SLC8A1: variants seen among roughly 807,000 people sequenced by gnomAD.
SLC8A1 encodes sodium/calcium exchanger 1.
In SLC8A1, 18 loss-of-function variants were observed where a neutral mutation model predicts 68.3. The ratio of observed to expected loss-of-function variants is 0.26; its 90% CI spans 0.18 to 0.39. The LOEUF is 0.39. Ranked by LOEUF, SLC8A1 falls within the 10% of genes least tolerant of loss-of-function variation. The pLI is 1.00. For missense variants in SLC8A1, 985 were observed against 1,156.7 expected (o/e 0.85, Z 2.15); for synonymous variants, 475 against 415.5 (o/e 1.14, Z -1.74).
intron 2 of SLC8A1, among the ~76,000 whole-genome samples, chr2:40,352,497 T>G (rs1444656632): frequency 5.3e-5 from 8 of 152,190 alleles, no homozygotes; most frequent in Non-Finnish European, 1.0e-4. Flanking sequence ...AAGAAGCCTG[T>G]GAGTCATCAA....
intron 1 of SLC8A1, among the ~76,000 whole-genome samples, chr2:40,511,383 T>C (rs1462258766): frequency 6.6e-6 from 1 of 152,220 alleles, no homozygotes; most frequent in Non-Finnish European, 1.5e-5. Context: ...TCACAGACTT[T>C]GCTAACAATT....
chr2:40,306,083 C>T (rs1242010196), intron 2 of SLC8A1, among the ~76,000 whole-genome samples: 1 of 152,086 alleles, frequency 6.6e-6, no homozygotes, highest in African/African-American at 2.4e-5. Flanking sequence ...GATGCTCATG[C>T]TCTTATACAG....
At chr2:40,452,876 C>G (rs571986674), upstream of SLC8A1, among the ~76,000 whole-genome samples, 1 of 151,954 alleles carries the variant, frequency 6.6e-6, no homozygotes, top group Non-Finnish European at 1.5e-5. Flanking sequence ...GTGTGAAAGG[C>G]GTGCTGGTTT....
chr2:40,165,852 C>G (rs1286750625), intron 4 of SLC8A1, among the ~76,000 whole-genome samples: 1 of 152,166 alleles, frequency 6.6e-6, no homozygotes, highest in Non-Finnish European at 1.5e-5. Context: ...AAATCCCAGA[C>G]TGAAAAGGCC....
chr2:40,451,062 G>A (rs1166393194), intron 1 of SLC8A1, among the ~76,000 whole-genome samples: 4 of 152,340 alleles, frequency 2.6e-5, no homozygotes, highest in East Asian at 3.9e-4. Context: ...CATCGCCTGG[G>A]CGGATTTGGT....
At chr2:40,292,975 C>CT (rs1308073133) in intron 2 of SLC8A1, among the ~76,000 whole-genome samples, 1 of 152,100 alleles carries the variant, frequency 6.6e-6, no homozygotes, top group Non-Finnish European at 1.5e-5. Context: ...ACCTGTGTGC[C>CT]TTTCCATCTT....
chr2:40,193,917 TAAAGA>T (rs958350017), intron 2 of SLC8A1, among the ~76,000 whole-genome samples: 5 of 152,098 alleles, frequency 3.3e-5, no homozygotes, highest in African/African-American at 7.2e-5. Flanking sequence ...GCTGAATAAA[TAAAGA>T]AAAGTTGCTT....
At chr2:40,138,218 T>C (rs1232076511) in intron 7 of SLC8A1, among the ~76,000 whole-genome samples, 1 of 152,178 alleles carries the variant, frequency 6.6e-6, no homozygotes, top group Admixed American at 6.5e-5. Context: ...AATAGCTTCC[T>C]GAAGAAGAAT....
intron 6 of SLC8A1, among the ~76,000 whole-genome samples, chr2:40,141,614 G>T (rs571729277): frequency 6.6e-6 from 1 of 152,122 alleles, no homozygotes; most frequent in Non-Finnish European, 1.5e-5. Flanking sequence ...TGCTGTTCAT[G>T]CAGTATTTAT....
chr2:40,163,913 C>T (rs913559297), intron 5 of SLC8A1, among the ~76,000 whole-genome samples: 28 of 152,124 alleles, frequency 1.8e-4, no homozygotes, highest in African/African-American at 6.5e-4. Context: ...ATGAGAAGTC[C>T]AGATAAAATC....
At chr2:40,411,061 A>C (rs558525126) in intron 2 of SLC8A1, among the ~76,000 whole-genome samples, 2 of 152,172 alleles carry the variant, frequency 1.3e-5, no homozygotes, top group East Asian at 3.9e-4. Flanking sequence ...GGGCCAGCCT[A>C]AAGTTGTATG....
chr2:40,288,535 G>A (rs894358912), intron 2 of SLC8A1, among the ~76,000 whole-genome samples: 15 of 151,986 alleles, frequency 9.9e-5, no homozygotes, highest in African/African-American at 9.7e-5. Context: ...CCAAGTTGAG[G>A]AAAACTTCAC....
chr2:40,510,104 G>A (rs1189751676), intron 1 of SLC8A1, among the ~76,000 whole-genome samples: 2 of 152,120 alleles, frequency 1.3e-5, no homozygotes, highest in Non-Finnish European at 2.9e-5. Flanking sequence ...GGGATTACAG[G>A]CGTGAGCCAC....
intron 2 of SLC8A1, among the ~76,000 whole-genome samples, chr2:40,192,541 C>T (rs1033850939): frequency 5.3e-5 from 8 of 151,980 alleles, no homozygotes; most frequent in Non-Finnish European, 1.2e-4. Flanking sequence ...AGAATACTAA[C>T]GCAAATGGAG....
At chr2:40,278,128 TA>T (rs1157136381) in intron 2 of SLC8A1, among the ~76,000 whole-genome samples, 22 of 152,242 alleles carry the variant, frequency 1.4e-4, no homozygotes, top group Non-Finnish European at 2.6e-4. Context: ...ATACAATGGT[TA>T]TTTTTGTAGA....
At chr2:40,105,147 A>G (rs1015033747) in exon 8 of SLC8A1, 5 of 152,216 alleles carry the variant, frequency 3.3e-5, no homozygotes, top group East Asian at 1.9e-4. Flanking sequence ...AGCCATGTCA[A>G]TATCCTCCCA....
At chr2:40,435,043 A>C (rs1223875917) in intron 1 of SLC8A1, among the ~76,000 whole-genome samples, 1 of 152,166 alleles carries the variant, frequency 6.6e-6, no homozygotes, top group African/African-American at 2.4e-5. Flanking sequence ...GACGTGACTC[A>C]GAGCAAAGGC....
At chr2:40,371,338 C>G (rs1400270243) in intron 2 of SLC8A1, among the ~76,000 whole-genome samples, 23 of 151,998 alleles carry the variant, frequency 1.5e-4, no homozygotes, top group Non-Finnish European at 1.5e-5. Context: ...ATAGGGTGGA[C>G]TTTAGGTAAG....
chr2:40,447,221 T>C (rs1482391426), intron 1 of SLC8A1, among the ~76,000 whole-genome samples: 1 of 152,212 alleles, frequency 6.6e-6, no homozygotes, highest in Admixed American at 6.5e-5. Flanking sequence ...TGCAGAATGA[T>C]ACAGTCGAAT....
Sources: gnomAD v4.1 joint callset for allele counts (sites outside exome capture counted in the v4.1 genomes callset) on GRCh38, gnomAD v4.1.1 for gene constraint, MANE v1.5 for transcripts, NCBI Gene and HGNC (gene_info 2026-07-23, HGNC 2026-07-21) for gene names.